The following FRMPD3 variants were observed in gnomAD, a reference collection of about 807,000 sequenced individuals.
FRMPD3 encodes FERM and PDZ domain containing 3.
In FRMPD3, 42 loss-of-function variants were observed where a neutral mutation model predicts 97.9. The observed-to-expected ratio is 0.43, with a 90% confidence interval of 0.34 to 0.55. FRMPD3 has a LOEUF of 0.55. FRMPD3 is among the 20% of genes least tolerant of loss of function. FRMPD3 has a pLI of 0.03. For missense variants in FRMPD3, 1,303 were observed against 1,457.7 expected (o/e 0.89, Z 1.73); for synonymous variants, 577 against 581.1 (o/e 0.99, Z 0.10).
At position 107,550,103 on chromosome X, in the gene FRMPD3, T is replaced by G; in HGVS notation, c.457T>G (p.Leu153Val). 1 of 1,206,625 alleles carries G rather than the reference T, an allele frequency of 8.3e-7. No individual in the cohort carries two copies. Among genetic ancestry groups the G allele is most frequent in the East Asian group, 3.0e-5 (1 of 33,786 alleles). Residue 153 changes from leucine (L) to valine (V), a missense_variant, in exon 6 of 15, where the codon TTA (leucine) becomes GTA (valine). Physicochemically the swap from Leu to Val is conservative, Grantham distance 32. Coordinates refer to ENST00000683843, the MANE Select transcript of FRMPD3 (RefSeq NM_001388459.1). ...CATCCCTAATGTCCTGAAGGTTTTCTTAGAAAATGGGCAGATCAAGTCATT... is the reference window on the plus strand; with the variant it reads ...CATCCCTAATGTCCTGAAGGTTTTCGTAGAAAATGGGCAGATCAAGTCATT... ...LLIPNVLKVF[L>V]ENGQIKSFTF... is the part of the protein sequence containing the mutation.
intron 1 of FRMPD3, among the ~76,000 whole-genome samples, chrX:107,490,399 A>T (rs1270815355): frequency 8.9e-6 from 1 of 111,761 alleles, no homozygotes; most frequent in Non-Finnish European, 1.9e-5. Context: ...CTTGATGGGG[A>T]TGCATTGAAT....
chrX:107,560,122 G>T, intron 8 of FRMPD3, 135 bp from the exon 9 acceptor site: 1 of 737,913 alleles, frequency 1.4e-6, no homozygotes, highest in African/African-American at 2.2e-5. Flanking sequence ...TCCAAGGGGA[G>T]CTCCTTCCTC....
intron 8 of FRMPD3, among the ~76,000 whole-genome samples, chrX:107,557,664 CGTGTGTGTGT>C (rs760760257): frequency 2.3e-5 from 2 of 87,151 alleles, no homozygotes; most frequent in East Asian, 3.5e-4. Flanking sequence ...ATCAAAGTTT[CGTGTGTGTGT>C]GTGTGTGTGT....
rs962262230 is a variant in FRMPD3, at chrX:107,605,057, A to G, written c.*1684A>G. ...CTGATATGGTCTTCTTTTTCTCCCA[A>G]CTTCGCCACTCAGCCCCTGCCTGTG... On this transcript the variant is annotated 3_prime_UTR_variant, in exon 15 of 15. Coordinates refer to ENST00000683843, the MANE Select transcript of FRMPD3 (RefSeq NM_001388459.1). The G allele has an allele frequency of 9.1e-6, 1 of 109,355 alleles. No homozygotes were observed. The highest frequency in any genetic ancestry group is 1.9e-5 in the Non-Finnish European group (1 of 52,489). 9.0% of individuals were successfully genotyped at this position (109,355 alleles called of 1,213,427 possible).
chrX:107,598,762 T>A (rs1924336738), intron 14 of FRMPD3, among the ~76,000 whole-genome samples: 1 of 112,520 alleles, frequency 8.9e-6, no homozygotes, highest in South Asian at 3.7e-4. Flanking sequence ...AAGGATTGAA[T>A]GAGATCATTC....
At position 107,576,428 on chromosome X, in the gene FRMPD3, C is replaced by T. The variant is rs1455392167; in HGVS notation, c.1410C>T (p.Ser470=). 8.3e-7 allele frequency: 1 copy of T among 1,209,022 alleles called. No individual in the cohort carries two copies. Among genetic ancestry groups the T allele is most frequent in the Non-Finnish European group, 1.1e-6 (1 of 895,135 alleles). ...SRKMVFSRPA[S]QPLPPPMIKA... ...AGATGGTCTTCTCCAGGCCTGCCAG[C>T]CAGCCACTTCCACCTCCAATGATCA... Residue 470 remains serine (S), a synonymous_variant, in exon 13 of 15, where the codon AGC becomes AGT. Transcript: ENST00000683843.
At chrX:107,483,672 C>T (rs753606388) in intron 1 of FRMPD3, among the ~76,000 whole-genome samples, 1 of 111,866 alleles carries the variant, frequency 8.9e-6, no homozygotes, top group Non-Finnish European at 1.9e-5. Context: ...ATGGTGCCAA[C>T]TGTCTGTCTG....
intron 13 of FRMPD3, among the ~76,000 whole-genome samples, chrX:107,589,756 TA>T (rs1420952812): frequency 8.9e-6 from 1 of 112,755 alleles, no homozygotes; most frequent in African/African-American, 3.2e-5. Flanking sequence ...ATTTAAATAA[TA>T]AAAAATAAGT....
intron 1 of FRMPD3, among the ~76,000 whole-genome samples, chrX:107,462,589 G>A (rs945821482): frequency 2.7e-5 from 3 of 112,038 alleles, no homozygotes; most frequent in African/African-American, 9.7e-5. Context: ...AGGGCTGAAA[G>A]CTTAGGGTGC....
In FRMPD3 at chrX:107,603,401, C is replaced by G; in HGVS notation, c.*28C>G. 1.8e-6 allele frequency: 2 copies of G among 1,124,933 alleles called. No individual in the cohort carries two copies. Among genetic ancestry groups the G allele is most frequent in the South Asian group, 4.4e-5 (2 of 45,707 alleles). 92.7% of individuals were successfully genotyped at this position (1,124,933 alleles called of 1,213,427 possible). A position where few individuals can be genotyped will look rare whatever the true frequency, so the allele number is the denominator to read the frequency against. On this transcript the variant is annotated 3_prime_UTR_variant, in exon 15 of 15. Coordinates refer to ENST00000683843, the MANE Select transcript of FRMPD3 (RefSeq NM_001388459.1). ...CATCTGCCCACACCTGTCCCCCTTC[C>G]CCAACCATGGCCCCAGGTTTGAGCT...
At chrX:107,526,496 GA>G (rs1287613069) in intron 1 of FRMPD3, 85 bp from the exon 2 acceptor site, 2 of 932,141 alleles carry the variant, frequency 2.1e-6, no homozygotes. Flanking sequence ...GCCAGGGCCA[GA>G]ACCCTAACTG....
At chrX:107,511,899 C>G (rs771587346) in intron 1 of FRMPD3, among the ~76,000 whole-genome samples, 2 of 112,015 alleles carry the variant, frequency 1.8e-5, no homozygotes, top group South Asian at 7.6e-4. Flanking sequence ...AGCTTGGCCT[C>G]GGAGAGATGT....
rs2147665016 is a variant in FRMPD3 at position 107,604,793 on chromosome X, C to G, written c.*1420C>G. ...AGAGGCCCATGTGAAATCTTTCATTCTGATGTGAGTTTTATAAAGATGTAC... is the reference window on the plus strand; with the variant it reads ...AGAGGCCCATGTGAAATCTTTCATTGTGATGTGAGTTTTATAAAGATGTAC... On this transcript the variant is annotated 3_prime_UTR_variant, in exon 15 of 15. Transcript: ENST00000683843. 1 of 111,346 alleles carries G rather than the reference C, an allele frequency of 9.0e-6. No individual in the cohort carries two copies. Among genetic ancestry groups the G allele is most frequent in the Admixed American group, 9.6e-5 (1 of 10,403 alleles). The allele number at this position is 111,346 out of a possible 1,213,427, so 9.2% of individuals were successfully genotyped here. A position where few individuals can be genotyped will look rare whatever the true frequency, so the allele number is the denominator to read the frequency against.
intron 1 of FRMPD3, among the ~76,000 whole-genome samples, chrX:107,464,957 G>A (rs1195978414): frequency 1.8e-5 from 2 of 111,461 alleles, no homozygotes; most frequent in African/African-American, 6.5e-5. Flanking sequence ...TTCTAATACC[G>A]TGCACAATAA....
At chrX:107,496,831 G>T (rs1602760998) in intron 1 of FRMPD3, among the ~76,000 whole-genome samples, 1 of 112,487 alleles carries the variant, frequency 8.9e-6, no homozygotes, top group Admixed American at 9.4e-5. Context: ...GTCCTGGGGA[G>T]AGCTGAGCTG....
intron 11 of FRMPD3, among the ~76,000 whole-genome samples, chrX:107,564,119 A>T (rs1458980629): frequency 9.0e-6 from 1 of 111,723 alleles, no homozygotes; most frequent in African/African-American, 3.3e-5. Context: ...CCCAAGCTTG[A>T]TTGCTCCAAG....
intron 1 of FRMPD3, among the ~76,000 whole-genome samples, chrX:107,474,378 G>T (rs1032889959): frequency 8.1e-5 from 9 of 111,371 alleles, no homozygotes; most frequent in African/African-American, 2.6e-4. Flanking sequence ...TGAAGAATAT[G>T]CACGCCTGAG....
rs41305437 is a variant in FRMPD3, at chrX:107,603,802, G to A, written c.*429G>A. ...TCCCCTGCTGGGAGCAGTGGCAGTAGCAGCAGGCCACATTGCCGTGCCGAG... is the reference window on the plus strand; with the variant it reads ...TCCCCTGCTGGGAGCAGTGGCAGTAACAGCAGGCCACATTGCCGTGCCGAG... On this transcript the variant is annotated 3_prime_UTR_variant, in exon 15 of 15. Coordinates refer to ENST00000683843, the MANE Select transcript of FRMPD3 (RefSeq NM_001388459.1). 17,291 of 128,530 alleles carry A rather than the reference G, an allele frequency of 0.13. 1,121 individuals carry two copies. Among genetic ancestry groups the A allele is most frequent in the Non-Finnish European group, 0.19 (11,919 of 63,431 alleles). 10.6% of individuals were successfully genotyped at this position (128,530 alleles called of 1,213,427 possible).
chrX:107,580,053 A>G (rs1423367452), intron 13 of FRMPD3, among the ~76,000 whole-genome samples: 3 of 112,118 alleles, frequency 2.7e-5, no homozygotes, highest in Non-Finnish European at 5.6e-5. Flanking sequence ...TTATTGGACT[A>G]TAGAATAGAG....
Sources: gnomAD v4.1 joint callset for allele counts (sites outside exome capture counted in the v4.1 genomes callset) on GRCh38, gnomAD v4.1.1 for gene constraint, MANE v1.5 for transcripts, NCBI Gene and HGNC (gene_info 2026-07-23, HGNC 2026-07-21) for gene names.